Variants in PPP6R3 observed in about 807,000 individuals in gnomAD.
PPP6R3 encodes the protein serine/threonine-protein phosphatase 6 regulatory subunit 3.
In PPP6R3, 38 loss-of-function variants were observed where a neutral mutation model predicts 110.7. The observed-to-expected ratio is 0.34, with a 90% confidence interval of 0.26 to 0.45. The LOEUF (loss-of-function observed/expected upper bound fraction) is 0.45, where lower values mean the gene tolerates loss of function less well. Among genes scored for constraint, PPP6R3 ranks in the 20% least tolerant of loss-of-function variants. The pLI is 1.00. For synonymous variants in PPP6R3, 369 were observed against 373.5 expected, an observed-to-expected ratio of 0.99 and a Z score of 0.14; for missense variants, 870 against 1,062.4, an observed-to-expected ratio of 0.82 and a Z score of 2.52.
chr11:68,603,695 A>G (rs538649745), intron 22 of PPP6R3, among the ~76,000 whole-genome samples: 1 of 152,346 alleles, frequency 6.6e-6, no homozygotes, highest in African/African-American at 2.4e-5. Flanking sequence ...TCCCCCATAA[A>G]TGTGTTCAGA....
rs112180572 is a variant in PPP6R3 at position 68,524,390 on chromosome 11, C to G, written c.-7+4739C>G. ...TTGGATGCCATGTGGTTGCCAGACTCTTTGTTTTCCTTCAGAACAGGATAT... is the reference window on the plus strand; with the variant it reads ...TTGGATGCCATGTGGTTGCCAGACTGTTTGTTTTCCTTCAGAACAGGATAT... On this transcript the variant is annotated intron_variant, in intron 2 of 23. Coordinates refer to ENST00000393800, the MANE Select transcript of PPP6R3 (RefSeq NM_001164161.2). 4.6e-5 allele frequency among the ~76,000 whole-genome samples: 7 copies of G among 152,266 alleles called. 2 individuals are homozygous for G. The highest frequency in any genetic ancestry group is 1.7e-4 in the African/African-American group (7 of 41,552).
chr11:68,513,112 G>A (rs183504685), intron 1 of PPP6R3, among the ~76,000 whole-genome samples: 66 of 152,202 alleles, frequency 4.3e-4, no homozygotes, highest in African/African-American at 1.2e-3. Flanking sequence ...GAGACCACTG[G>A]CGTCCCTGGT....
intron 1 of PPP6R3, among the ~76,000 whole-genome samples, chr11:68,465,933 C>G (rs2098742191): frequency 6.6e-6 from 1 of 152,156 alleles, no homozygotes; most frequent in Non-Finnish European, 1.5e-5. Flanking sequence ...TTTGAGGAGT[C>G]TTAAAAAGCA....
chr11:68,542,417 A>C (rs1392951192), intron 3 of PPP6R3, among the ~76,000 whole-genome samples: 1 of 768 alleles, frequency 1.3e-3, no homozygotes, highest in South Asian at 0.056. Flanking sequence ...TTTTTAAGAC[A>C]GAGTCTTGCT....
intron 7 of PPP6R3, among the ~76,000 whole-genome samples, chr11:68,555,569 C>G (rs1459342293): frequency 6.6e-6 from 1 of 152,180 alleles, no homozygotes; most frequent in African/African-American, 2.4e-5. Context: ...GAATATCAGA[C>G]TGCTTAGTAG....
At chr11:68,610,401 C>T (rs1435672906) in intron 23 of PPP6R3, among the ~76,000 whole-genome samples, 3 of 152,188 alleles carry the variant, frequency 2.0e-5, no homozygotes, top group African/African-American at 7.2e-5. Flanking sequence ...ATCCAGCCGC[C>T]AGGCACGAGC....
intron 4 of PPP6R3, among the ~76,000 whole-genome samples, chr11:68,547,363 A>G (rs923434611): frequency 6.6e-6 from 1 of 152,186 alleles, no homozygotes; most frequent in African/African-American, 2.4e-5. Flanking sequence ...GTGCGCATGG[A>G]CAGAGGCAGA....
At chr11:68,480,047 A>G (rs969585164) in intron 1 of PPP6R3, among the ~76,000 whole-genome samples, 4 of 151,782 alleles carry the variant, frequency 2.6e-5, no homozygotes, top group African/African-American at 7.3e-5. Flanking sequence ...TATTTCTTCA[A>G]TTAAAAAAAA....
chr11:68,567,671 T>C (rs879818576), intron 10 of PPP6R3, among the ~76,000 whole-genome samples: 3 of 152,104 alleles, frequency 2.0e-5, no homozygotes, highest in Admixed American at 1.3e-4. Context: ...ACCCCTGAAT[T>C]CCCCAGTTTC....
At chr11:68,565,647 T>C (rs989203758) in intron 9 of PPP6R3, among the ~76,000 whole-genome samples, 1 of 151,912 alleles carries the variant, frequency 6.6e-6, no homozygotes, top group Admixed American at 6.6e-5. Flanking sequence ...CCCATCTTCT[T>C]TCTGGGTGGA....
At chr11:68,599,099 C>G (rs1175487888) in intron 19 of PPP6R3, among the ~76,000 whole-genome samples, 1 of 152,206 alleles carries the variant, frequency 6.6e-6, no homozygotes, top group Admixed American at 6.5e-5. Flanking sequence ...TACACGGGTA[C>G]TTCTTAATCT....
intron 1 of PPP6R3, among the ~76,000 whole-genome samples, chr11:68,492,618 T>C (rs1048365719): frequency 2.0e-5 from 3 of 152,224 alleles, no homozygotes; most frequent in African/African-American, 4.8e-5. Context: ...CTCAGGTCTT[T>C]AGGGTATATA....
At chr11:68,486,292 T>C (rs969110877) in intron 1 of PPP6R3, among the ~76,000 whole-genome samples, 2 of 152,052 alleles carry the variant, frequency 1.3e-5, no homozygotes, top group Non-Finnish European at 2.9e-5. Flanking sequence ...GCTGACCTCA[T>C]AGAATGAATT....
In PPP6R3 at chr11:68,613,641, G is replaced by A; in HGVS notation, c.*524G>A. 1.0e-6 allele frequency: 1 copy of A among 985,514 alleles called. No homozygotes were observed. Among genetic ancestry groups the A allele is most frequent in the Non-Finnish European group, 1.2e-6 (1 of 829,674 alleles). The allele number at this position is 985,514 out of a possible 1,614,324, so 61.0% of individuals were successfully genotyped here. A position where few individuals can be genotyped will look rare whatever the true frequency, so the allele number is the denominator to read the frequency against. ...TTTGGTTGTTCTAACTTACAAAAGT[G>A]ATTTTGAATAAGAAATATTTGGTGT... On this transcript the variant is annotated 3_prime_UTR_variant, in exon 24 of 24. Transcript: ENST00000393800.
intron 1 of PPP6R3, among the ~76,000 whole-genome samples, chr11:68,475,014 A>C (rs932976092): frequency 6.6e-6 from 1 of 152,096 alleles, no homozygotes; most frequent in Non-Finnish European, 1.5e-5. Context: ...GTCAACATAC[A>C]AACAAGTGAA....
At chr11:68,484,087 C>T (rs2098931638) in intron 1 of PPP6R3, among the ~76,000 whole-genome samples, 1 of 152,134 alleles carries the variant, frequency 6.6e-6, no homozygotes, top group Non-Finnish European at 1.5e-5. Context: ...ATTCCATTGT[C>T]TGGATGTGCC....
intron 8 of PPP6R3, among the ~76,000 whole-genome samples, chr11:68,560,394 G>T (rs2099414510): frequency 6.6e-6 from 1 of 152,182 alleles, no homozygotes. Flanking sequence ...ACTGTTTCCT[G>T]TGGAGTTCAG....
intron 14 of PPP6R3, among the ~76,000 whole-genome samples, chr11:68,579,273 C>G (rs1236058396): frequency 2.0e-5 from 3 of 152,142 alleles, no homozygotes; most frequent in African/African-American, 7.2e-5. Context: ...TAATACGGGC[C>G]TCAGAGTTTA....
rs946333458 is a variant in PPP6R3 at position 68,614,209 on chromosome 11, T to G, written c.*1092T>G. 2.6e-5 allele frequency: 26 copies of G among 988,788 alleles called. No homozygotes were observed. The highest frequency in any genetic ancestry group is 3.1e-5 in the Non-Finnish European group (26 of 832,110). The allele number at this position is 988,788 out of a possible 1,614,324, so 61.3% of individuals were successfully genotyped here. On this transcript the variant is annotated 3_prime_UTR_variant, in exon 24 of 24. Coordinates refer to ENST00000393800, the MANE Select transcript of PPP6R3 (RefSeq NM_001164161.2). ...ACCTTGTGAGGTTTTCACTCATAAA[T>G]TTAAACCAGTGTATTTTTTTAGAAC...
Sources: allele counts gnomAD v4.1 joint callset (sites outside exome capture counted in the v4.1 genomes callset), GRCh38; gene constraint gnomAD v4.1.1; transcripts MANE v1.5; gene names NCBI Gene and HGNC (gene_info 2026-07-23, HGNC 2026-07-21).